MYBPC2: variants seen among roughly 807,000 people sequenced by gnomAD.
MYBPC2 encodes myosin-binding protein C, fast-type.
Under a neutral mutation model 137.0 loss-of-function variants are expected in MYBPC2, and 122 were observed. The ratio of observed to expected loss-of-function variants is 0.89; its 90% confidence interval spans 0.77 to 1.03. MYBPC2 has a LOEUF of 1.03. MYBPC2 is among the 50% of genes least tolerant of loss of function. MYBPC2 has a pLI of 0.00. For synonymous variants in MYBPC2, 626 were observed against 612.3 expected (o/e 1.02, Z -0.33); for missense variants, 1,500 against 1,534.4 (o/e 0.98, Z 0.37).
chr19:50,435,739 C>A lies in MYBPC2; in HGVS notation c.110-37C>A. 6.4e-7 allele frequency: 1 copy of A among 1,552,108 alleles called. No individual in the cohort carries two copies. ...GCCCACTGTCCCCTCCCCAGCCTAT[C>A]TCAGACCTCCTCATCCTAATCCTGT... On this transcript the variant is annotated intron_variant, in intron 2 of 27. Transcript: ENST00000357701. The surrounding 1 kb of genome is among the most constrained non-coding windows in gnomAD (Gnocchi z 4.8).
At chr19:50,460,806 C>T (rs912266593) in intron 24 of MYBPC2, among the ~76,000 whole-genome samples, 6 of 151,542 alleles carry the variant, frequency 4.0e-5, no homozygotes, top group African/African-American at 1.5e-4. Context: ...CAGGTGATTC[C>T]CCCCCATCTC....
chr19:50,441,092 G>T lies in MYBPC2; in HGVS notation c.769+16G>T. The T allele has an allele frequency of 6.4e-7, 1 of 1,567,758 alleles. No individual in the cohort carries two copies. The highest frequency in any genetic ancestry group is 8.6e-7 in the Non-Finnish European group (1 of 1,156,872). Reference sequence around the variant, plus strand: ...AAGAGTGCAGGTCAGCCCTGGTCTGGGGGGAGCTGGGCCCTGCACACAAGG... The same window carrying T: ...AAGAGTGCAGGTCAGCCCTGGTCTGTGGGGAGCTGGGCCCTGCACACAAGG... On this transcript the variant is annotated intron_variant, in intron 8 of 27. Transcript: ENST00000357701.
intron 16 of MYBPC2, among the ~76,000 whole-genome samples, chr19:50,453,272 C>A (rs147676620): frequency 1.3e-5 from 2 of 151,972 alleles, no homozygotes; most frequent in South Asian, 2.1e-4. Context: ...TTTACTCTTG[C>A]GGAGACGCAA....
At chr19:50,454,412 T>A (rs1285299700) in intron 18 of MYBPC2, 43 bp downstream of exon 18, 1 of 1,249,362 alleles carries the variant, frequency 8.0e-7, no homozygotes, top group Admixed American at 2.7e-5. Flanking sequence ...TCCCTCTTTC[T>A]GCCTTCTGTT....
In MYBPC2 at chr19:50,442,220, G is replaced by C. The variant is rs2039762439; in HGVS notation, c.809G>C (p.Arg270Thr). 6.2e-7 allele frequency: 1 copy of C among 1,602,050 alleles called. No individual in the cohort carries two copies. The highest frequency in any genetic ancestry group is 2.2e-5 in the East Asian group (1 of 44,476). The change falls in exon 9 of 28, where the codon AGA becomes ACA. Residue 270 changes from arginine (R) to threonine (T), a missense_variant. Arg to Thr is a moderately conservative substitution (Grantham distance 71). Transcript: ENST00000357701. ...CTGGATCCAGCCTACCAAGTGGACA[G>C]AGGCAACAAGATCAAGTTGATGGTA... ...KKLDPAYQVD[R>T]GNKIKLMVEI...
rs780604200 is a variant in MYBPC2, at chr19:50,451,815, G to A, written c.1610-49G>A. On this transcript the variant is annotated intron_variant, in intron 15 of 27. Transcript: ENST00000357701. The stretch of plus-strand genomic sequence containing the variant: ...GAGATTCTCTTGTGGGAACTGGGAA[G>A]GCCCAGCCTCCCACTCCCAGGGTCC... 19 of 1,563,356 alleles carry A rather than the reference G, an allele frequency of 1.2e-5. No individual in the cohort carries two copies. The South Asian group carries it at 1.4e-4, about 12-fold the overall frequency.
chr19:50,444,867 G>A (rs1029533094), intron 11 of MYBPC2, among the ~76,000 whole-genome samples: 8 of 121,262 alleles, frequency 6.6e-5, no homozygotes, highest in African/African-American at 2.3e-4. Flanking sequence ...GAGACACAGC[G>A]AGACTCCGTC....
At chr19:50,433,044 G>C in intron 1 of MYBPC2, 72 bp downstream of exon 1, 1 of 1,488,426 alleles carries the variant, frequency 6.7e-7, no homozygotes. Context: ...GGACCCCTCT[G>C]TTTGTAGGGT....
At chr19:50,452,060 C>G (rs1183572014) in intron 16 of MYBPC2, 57 bp downstream of exon 16, 15 of 1,502,562 alleles carry the variant, frequency 1.0e-5, no homozygotes, top group Non-Finnish European at 1.4e-5. Context: ...AAGTCTCTTT[C>G]CCCCTGAGCC....
intron 7 of MYBPC2, among the ~76,000 whole-genome samples, chr19:50,440,662 CA>C (rs59564151): frequency 0.42 from 41,986 of 99,202 alleles, 6,460 homozygotes; most frequent in Middle Eastern, 0.52. Flanking sequence ...GAATCTGTCT[CA>C]AAAAAAAAAA....
At chr19:50,442,140 G>A (rs1276259612) in intron 8 of MYBPC2, 41 bp from the exon 9 acceptor site, 1 of 1,558,708 alleles carries the variant, frequency 6.4e-7, no homozygotes, top group East Asian at 2.4e-5. Flanking sequence ...GGGGAATGAG[G>A]ACCACACGCC....
At chr19:50,464,602 C>T in intron 27 of MYBPC2, 70 bp downstream of exon 27, 1 of 1,475,318 alleles carries the variant, frequency 6.8e-7, no homozygotes, top group Non-Finnish European at 9.0e-7. Flanking sequence ...GCCGGTGGCC[C>T]CGGGCTGAGC....
chr19:50,459,071 AGCCCCGCTGACCCCACCCC>A (rs2039942818), intron 22 of MYBPC2, 21 bp from the exon 23 acceptor site: 1 of 1,555,926 alleles, frequency 6.4e-7, no homozygotes, highest in African/African-American at 1.4e-5. Context: ...TTGCGGGTGG[AGCCCCGCTGACCCCACCCC>A]GCCCCGCCCT....
At chr19:50,433,897 G>A (rs368432069) in intron 1 of MYBPC2, among the ~76,000 whole-genome samples, 3 of 151,162 alleles carry the variant, frequency 2.0e-5, no homozygotes, top group East Asian at 4.0e-4. Flanking sequence ...GCAACATGGC[G>A]AGACCTTGTC....
At chr19:50,451,099 G>A (rs117705772) in intron 14 of MYBPC2, among the ~76,000 whole-genome samples, 164 bp downstream of exon 14, 968 of 152,264 alleles carry the variant, frequency 6.4e-3, no homozygotes, top group Middle Eastern at 0.024. Context: ...GAGGGAGAGC[G>A]CTGAACTCGC....
chr19:50,450,269 CT>C (rs1568663605), intron 13 of MYBPC2, among the ~76,000 whole-genome samples: 1 of 151,830 alleles, frequency 6.6e-6, no homozygotes, highest in Non-Finnish European at 1.5e-5. Flanking sequence ...CTTTTCTTTT[CT>C]TTTTTTGAGA....
chr19:50,437,434 C>T, intron 5 of MYBPC2, 39 bp from the exon 6 acceptor site: 1 of 1,593,540 alleles, frequency 6.3e-7, no homozygotes, highest in South Asian at 1.1e-5. Flanking sequence ...CAGCCCTGGC[C>T]TCTAACTCAC....
intron 13 of MYBPC2, among the ~76,000 whole-genome samples, chr19:50,449,925 G>A (rs563988718): frequency 6.6e-6 from 1 of 152,286 alleles, no homozygotes; most frequent in East Asian, 1.9e-4. Context: ...GGAGGCTGAG[G>A]TGGGTGGATC....
At chr19:50,462,311 C>T (rs112937584) in intron 26 of MYBPC2, among the ~76,000 whole-genome samples, 7,496 of 151,838 alleles carry the variant, frequency 0.049, 492 homozygotes, top group African/African-American at 0.15. Flanking sequence ...CTCATCCTCC[C>T]GAGTAGCTGG....
Sources: gnomAD v4.1 joint callset for allele counts (sites outside exome capture counted in the v4.1 genomes callset) on GRCh38, gnomAD v4.1.1 for gene constraint, Gnocchi (gnomAD v3.1) non-coding constraint, MANE v1.5 for transcripts, NCBI Gene and HGNC (gene_info 2026-07-23, HGNC 2026-07-21) for gene names.